The following EBF2 variants were observed in gnomAD, a reference collection of about 807,000 sequenced individuals.
EBF2 encodes EBF transcription factor 2.
In EBF2, 21 loss-of-function variants were observed where a neutral mutation model predicts 72.8. The observed-to-expected ratio is 0.29, with a 90% confidence interval of 0.20 to 0.42. The LOEUF is 0.42. Among genes scored for constraint, EBF2 ranks in the 10% least tolerant of loss-of-function variants. The pLI, the probability that EBF2 is intolerant of heterozygous loss-of-function variation, is 1.00. For missense variants in EBF2, 637 were observed against 731.2 expected (o/e 0.87, Z 1.49); for synonymous variants, 299 against 274.2 (o/e 1.09, Z -0.89).
Position 25,915,889 on chromosome 8 carries a change from C to T in EBF2, c.552-7334G>A, listed in dbSNP as rs561881232. Among the ~76,000 whole-genome samples, 19 of 152,284 alleles carry T rather than the reference C, an allele frequency of 1.2e-4. No individual in the cohort carries two copies. The East Asian group carries it at 3.5e-3, about 28-fold the overall frequency. ...TTTCAGTCCAATATGCGGCAGCTAA[C>T]TGGGGTGTCCATACCAAGCCCACGT... On this transcript the variant is annotated intron_variant, in intron 6 of 15. Coordinates refer to ENST00000520164, the MANE Select transcript of EBF2 (RefSeq NM_022659.4).
At chr8:25,990,544 A>T (rs1804527307) in intron 6 of EBF2, among the ~76,000 whole-genome samples, 1 of 152,182 alleles carries the variant, frequency 6.6e-6, no homozygotes, top group South Asian at 2.1e-4. Context: ...AAAATCTACT[A>T]GCTCCAGCAC....
chr8:26,040,685 A>T lies in EBF2; in HGVS notation c.353-14T>A. On this transcript the variant is annotated splice_polypyrimidine_tract_variant and intron_variant, in intron 3 of 15. Transcript: ENST00000520164. ...CCGTGCGGACACCTGCGGGGACCGG[A>T]GGGGCACGAGTCAAGGGCCGTAGAG... 6.4e-7 allele frequency: 1 copy of T among 1,553,900 alleles called. No individual in the cohort carries two copies. Among genetic ancestry groups the T allele is most frequent in the Non-Finnish European group, 8.7e-7 (1 of 1,148,214 alleles).
chr8:25,985,703 TA>T (rs1426382094), intron 6 of EBF2, among the ~76,000 whole-genome samples: 34 of 152,108 alleles, frequency 2.2e-4, no homozygotes, highest in Admixed American at 2.2e-3. Flanking sequence ...TCTTGCTATT[TA>T]AGCAAGGAAG....
At chr8:25,937,894 G>T (rs1295467258) in intron 6 of EBF2, among the ~76,000 whole-genome samples, 1 of 152,128 alleles carries the variant, frequency 6.6e-6, no homozygotes, top group Admixed American at 6.5e-5. Context: ...TCTTCAAATA[G>T]CTGAGGGCTC....
chr8:25,977,748 T>C lies in EBF2; in HGVS notation c.551+55337A>G, dbSNP rs1012350724. ...CCGAAGTGCACATGTACAAATGCTA[T>C]TGGCTGACAGTTTCTTCTATGACAC... On this transcript the variant is annotated intron_variant, in intron 6 of 15. Coordinates refer to ENST00000520164, the MANE Select transcript of EBF2 (RefSeq NM_022659.4). Among the ~76,000 whole-genome samples, 7 of 152,178 alleles carry C rather than the reference T, an allele frequency of 4.6e-5. No homozygotes were observed. The East Asian group carries it at 1.3e-3, about 29-fold the overall frequency.
intron 6 of EBF2, among the ~76,000 whole-genome samples, chr8:26,000,797 G>A (rs563170696): frequency 1.1e-4 from 16 of 152,276 alleles, no homozygotes; most frequent in South Asian, 4.1e-4. Context: ...TTAGCCAGGC[G>A]TTTGTTCTTT....
intron 6 of EBF2, among the ~76,000 whole-genome samples, chr8:26,002,482 A>G (rs1300505713): frequency 6.6e-6 from 1 of 152,084 alleles, no homozygotes; most frequent in Non-Finnish European, 1.5e-5. Flanking sequence ...GTAAATTATG[A>G]CAGCGCCAGT....
Position 25,850,634 on chromosome 8 carries a change from A to T in EBF2, c.1656T>A (p.Pro552=). Reference sequence around the variant, plus strand: ...CATTGCCGCTGGAGCAGGCAGGTGAAGGGGAGCCTTGGGGCCTGATGACAG... The same window carrying T: ...CATTGCCGCTGGAGCAGGCAGGTGATGGGGAGCCTTGGGGCCTGATGACAG... The part of the protein sequence containing the change: ...FAPVIRPQGS[P]SPACSSGNGN... Residue 552 remains proline (P), a synonymous_variant, in exon 15 of 16, where the codon CCT becomes CCA. Transcript: ENST00000520164. 1 of 1,567,366 alleles carries T rather than the reference A, an allele frequency of 6.4e-7. No homozygotes were observed. The highest frequency in any genetic ancestry group is 8.6e-7 in the Non-Finnish European group (1 of 1,164,606).
chr8:26,039,719 G>C (rs1400018989), intron 5 of EBF2, among the ~76,000 whole-genome samples: 2 of 152,204 alleles, frequency 1.3e-5, no homozygotes, highest in African/African-American at 4.8e-5. Context: ...AACCCGGCCC[G>C]GGGTTGCCCA....
intron 6 of EBF2, among the ~76,000 whole-genome samples, chr8:25,937,431 A>G (rs1224448464): frequency 2.6e-5 from 4 of 152,194 alleles, no homozygotes; most frequent in African/African-American, 7.2e-5. Flanking sequence ...TTATATATTC[A>G]GATTAATTTA....
At chr8:25,974,597 C>A (rs1804238286) in intron 6 of EBF2, among the ~76,000 whole-genome samples, 1 of 152,106 alleles carries the variant, frequency 6.6e-6, no homozygotes, top group Non-Finnish European at 1.5e-5. Context: ...TAGAATTTTG[C>A]TCTTCAATTA....
intron 6 of EBF2, among the ~76,000 whole-genome samples, chr8:25,957,116 G>A (rs947773044): frequency 6.6e-6 from 1 of 152,208 alleles, no homozygotes; most frequent in Non-Finnish European, 1.5e-5. Context: ...CTGTTTGAAA[G>A]AAGGATGGCT....
intron 7 of EBF2, among the ~76,000 whole-genome samples, chr8:25,904,959 A>G (rs2117309571): frequency 6.6e-6 from 1 of 152,304 alleles, no homozygotes; most frequent in South Asian, 2.1e-4. Flanking sequence ...AGAAGGAGCC[A>G]GTATCCTGAA....
At chr8:25,867,471 G>A (rs573139508) in intron 10 of EBF2, among the ~76,000 whole-genome samples, 1 of 152,236 alleles carries the variant, frequency 6.6e-6, no homozygotes, top group Admixed American at 6.5e-5. Context: ...CCCACCCACT[G>A]GCTTCCTGAA....
chr8:25,850,550 C>T (rs752642343), intron 15 of EBF2, 44 bp downstream of exon 15: 3 of 1,484,884 alleles, frequency 2.0e-6, no homozygotes, highest in Non-Finnish European at 2.7e-6. Flanking sequence ...ACTTTGCCAA[C>T]CCTATGGTAC....
At chr8:26,030,272 CA>C (rs1284489843) in intron 6 of EBF2, among the ~76,000 whole-genome samples, 5 of 152,186 alleles carry the variant, frequency 3.3e-5, no homozygotes, top group Non-Finnish European at 7.3e-5. Context: ...TCTCATTGTT[CA>C]ATTCCCACCT....
rs1447668075 is a variant in EBF2 at position 25,913,269 on chromosome 8, C to A, written c.552-4714G>T. ...CATCCTGACCAACGTGGTGAAGCCCCATCTCTACTAAAAATACAAAAATCA... is the reference window on the plus strand; with the variant it reads ...CATCCTGACCAACGTGGTGAAGCCCAATCTCTACTAAAAATACAAAAATCA... On this transcript the variant is annotated intron_variant, in intron 6 of 15. Transcript: ENST00000520164. Among the ~76,000 whole-genome samples the A allele has an allele frequency of 2.0e-5, 3 of 151,982 alleles. No individual in the cohort carries two copies. The East Asian group carries it at 5.8e-4, about 29-fold the overall frequency.
Position 25,981,059 on chromosome 8 carries a change from T to C in EBF2, c.551+52026A>G, listed in dbSNP as rs189350984. ...GCTTCTGCCTGAAACTTGAAGAACA[T>C]CTCGTTTGTTCCTCTCTAAGCCTTG... On this transcript the variant is annotated intron_variant, in intron 6 of 15. Transcript: ENST00000520164. Among the ~76,000 whole-genome samples, 25 of 152,162 alleles carry C rather than the reference T, an allele frequency of 1.6e-4. No individual in the cohort carries two copies. In the East Asian group the frequency reaches 4.1e-3, roughly 25 times the overall value.
intron 6 of EBF2, among the ~76,000 whole-genome samples, chr8:25,931,865 A>T (rs1024827530): frequency 1.3e-5 from 2 of 152,162 alleles, no homozygotes; most frequent in Non-Finnish European, 2.9e-5. Flanking sequence ...CAACACAGAG[A>T]TGTTGTTAAA....
Sources: gnomAD v4.1 joint callset for allele counts (sites outside exome capture counted in the v4.1 genomes callset) on GRCh38, gnomAD v4.1.1 for gene constraint, MANE v1.5 for transcripts, NCBI Gene and HGNC (gene_info 2026-07-23, HGNC 2026-07-21) for gene names.